The following LAMA2 variants were observed in gnomAD, a reference collection of about 807,000 sequenced individuals.
LAMA2 encodes laminin subunit alpha 2.
Under a neutral mutation model 364.8 loss-of-function variants are expected in LAMA2, and 269 were observed. That is an observed-to-expected ratio of 0.74 (90% CI 0.67 to 0.82). The LOEUF (loss-of-function observed/expected upper bound fraction) is 0.82. LAMA2 is among the 40% of genes least tolerant of loss of function. The probability of loss-of-function intolerance (pLI) is 0.00; values close to 1 mark genes in which losing one functional copy is unlikely to be tolerated. For missense variants in LAMA2, 3,807 were observed against 3,873.2 expected (o/e 0.98, Z 0.45); for synonymous variants, 1,379 against 1,370.6 (o/e 1.01, Z -0.14).
chr6:129,226,629 T>C (rs1330384442), intron 12 of LAMA2, among the ~76,000 whole-genome samples: 12 of 152,122 alleles, frequency 7.9e-5, no homozygotes, highest in Middle Eastern at 3.4e-3. Context: ...GGGTTGAAAA[T>C]TCTTTTCTTT....
chr6:128,917,730 CTTTCTTT>C (rs1562827965), intron 1 of LAMA2, among the ~76,000 whole-genome samples: 21 of 106,724 alleles, frequency 2.0e-4, no homozygotes, highest in African/African-American at 7.9e-4. Context: ...TTCTTTCTTT[CTTTCTTT>C]TTTTTTTTTT....
intron 30 of LAMA2, among the ~76,000 whole-genome samples, chr6:129,348,663 A>G (rs2114583148): frequency 6.6e-6 from 1 of 152,292 alleles, no homozygotes; most frequent in East Asian, 1.9e-4. Flanking sequence ...AGACCTAATT[A>G]TTAGAAAATA....
At chr6:128,953,555 T>C (rs1031301402) in intron 1 of LAMA2, among the ~76,000 whole-genome samples, 1 of 151,872 alleles carries the variant, frequency 6.6e-6, no homozygotes, top group South Asian at 2.1e-4. Context: ...CCTATGTCTG[T>C]AGTATGTATA....
At position 128,952,390 on chromosome 6, in the gene LAMA2, GA is replaced by G. The variant is rs370622414; in HGVS notation, c.112+69035del. On this transcript the variant is annotated intron_variant, in intron 1 of 64. Coordinates refer to ENST00000421865, the MANE Select transcript of LAMA2 (RefSeq NM_000426.4). ...AATTCCATACGTTATCAACAGCAAA[GA>G]ATTTTGGAGCAGCTACCATAAATAA... Among the ~76,000 whole-genome samples the G allele has an allele frequency of 6.2e-3, 939 of 152,148 alleles. 11 individuals are homozygous for G. Among genetic ancestry groups the G allele is most frequent in the African/African-American group, 0.021 (882 of 41,528 alleles).
chr6:129,367,486 A>C (rs898117582), intron 33 of LAMA2, among the ~76,000 whole-genome samples: 2 of 152,230 alleles, frequency 1.3e-5, no homozygotes, highest in Non-Finnish European at 2.9e-5. Flanking sequence ...GAAATCAGTA[A>C]GATTCAGGGT....
At chr6:129,250,245 A>T in intron 13 of LAMA2, 32 bp downstream of exon 13, 1 of 1,288,168 alleles carries the variant, frequency 7.8e-7, no homozygotes, top group Non-Finnish European at 1.1e-6. Context: ...CACCCGTGTT[A>T]CTTCCTGATG....
intron 12 of LAMA2, among the ~76,000 whole-genome samples, chr6:129,227,677 G>A (rs200257353): frequency 4.8e-4 from 73 of 152,244 alleles, no homozygotes; most frequent in Non-Finnish European, 8.1e-4. Context: ...CCGCCTGATC[G>A]TTCCTCTGGA....
At chr6:129,069,612 G>A (rs1773172098) in intron 3 of LAMA2, among the ~76,000 whole-genome samples, 1 of 148,898 alleles carries the variant, frequency 6.7e-6, no homozygotes, top group Non-Finnish European at 1.5e-5. Context: ...ATTGTTACAA[G>A]GAGAGGGAAG....
intron 2 of LAMA2, among the ~76,000 whole-genome samples, chr6:129,057,379 T>A (rs1028013926): frequency 2.0e-5 from 3 of 152,158 alleles, no homozygotes; most frequent in African/African-American, 7.2e-5. Flanking sequence ...ACAATTTAAA[T>A]AATTGTCCTC....
intron 29 of LAMA2, among the ~76,000 whole-genome samples, chr6:129,328,613 G>A (rs1406760484): frequency 6.6e-6 from 1 of 152,164 alleles, no homozygotes; most frequent in East Asian, 1.9e-4. Context: ...CACTGAGCAT[G>A]TCAAGAAATA....
Position 129,449,498 on chromosome 6 carries a change from C to T in LAMA2, c.6430-3490C>T, listed in dbSNP as rs143438428. Among the ~76,000 whole-genome samples, 698 of 152,144 alleles carry T rather than the reference C, an allele frequency of 4.6e-3. 5 individuals are homozygous for T. Among genetic ancestry groups the T allele is most frequent in the South Asian group, 0.025 (121 of 4,806 alleles). Reference sequence around the variant, plus strand: ...TTCATGAGGACAGAGCCCTCATGACCGAAACACTTCCCAAAAGGCCCCCCT... The same window carrying T: ...TTCATGAGGACAGAGCCCTCATGACTGAAACACTTCCCAAAAGGCCCCCCT... On this transcript the variant is annotated intron_variant, in intron 45 of 64. Transcript: ENST00000421865.
intron 32 of LAMA2, among the ~76,000 whole-genome samples, chr6:129,354,440 C>T (rs1336885095): frequency 3.9e-5 from 6 of 151,938 alleles, no homozygotes; most frequent in Non-Finnish European, 5.9e-5. Context: ...TTTATATTGT[C>T]ATATTTAGTT....
At chr6:128,997,306 G>C (rs186901297) in intron 1 of LAMA2, among the ~76,000 whole-genome samples, 2 of 134,104 alleles carry the variant, frequency 1.5e-5, no homozygotes, top group African/African-American at 2.8e-5. Context: ...AAAGAAGAAA[G>C]AAAGAAACAA....
intron 29 of LAMA2, among the ~76,000 whole-genome samples, chr6:129,329,809 C>G (rs1028991375): frequency 6.6e-6 from 1 of 152,178 alleles, no homozygotes; most frequent in Non-Finnish European, 1.5e-5. Flanking sequence ...GGATATTGGT[C>G]CGTGGCCTTT....
At chr6:129,140,471 G>A (rs1223040509) in intron 4 of LAMA2, among the ~76,000 whole-genome samples, 1 of 152,012 alleles carries the variant, frequency 6.6e-6, no homozygotes, top group African/African-American at 2.4e-5. Context: ...GTGACAGCAT[G>A]AACATACACC....
chr6:129,468,462 T>TA (rs1783651299), intron 51 of LAMA2, among the ~76,000 whole-genome samples: 1 of 151,902 alleles, frequency 6.6e-6, no homozygotes, highest in Admixed American at 6.6e-5. Flanking sequence ...ATTTTATTAC[T>TA]ATAGCAGGTC....
At chr6:129,410,632 C>T (rs564910869) in intron 40 of LAMA2, among the ~76,000 whole-genome samples, 5 of 152,096 alleles carry the variant, frequency 3.3e-5, no homozygotes, top group South Asian at 4.2e-4. Flanking sequence ...TAGATAGATA[C>T]ATTGATTGAT....
At chr6:128,888,476 GACAA>G (rs1466406554) in intron 1 of LAMA2, among the ~76,000 whole-genome samples, 1 of 152,214 alleles carries the variant, frequency 6.6e-6, no homozygotes, top group Admixed American at 6.5e-5. Flanking sequence ...AAATGTCCTG[GACAA>G]ACAAATACAA....
intron 45 of LAMA2, among the ~76,000 whole-genome samples, chr6:129,451,886 G>C (rs1782694136): frequency 6.6e-6 from 1 of 152,104 alleles, no homozygotes; most frequent in Admixed American, 6.5e-5. Context: ...TATCTTGTTG[G>C]GAGTCTGCAC....
Sources: allele counts gnomAD v4.1 joint callset (sites outside exome capture counted in the v4.1 genomes callset), GRCh38; gene constraint gnomAD v4.1.1; transcripts MANE v1.5; gene names NCBI Gene and HGNC (gene_info 2026-07-23, HGNC 2026-07-21).